HECW1: variants seen among roughly 807,000 people sequenced by gnomAD.
HECW1 encodes HECT, C2 and WW domain containing E3 ubiquitin protein ligase 1, also known as E3 ubiquitin-protein ligase HECW1.
A neutral mutation model predicts 182.3 loss-of-function variants in HECW1; 61 were observed. The ratio of observed to expected loss-of-function variants is 0.33; its 90% CI spans 0.27 to 0.41. The LOEUF (loss-of-function observed/expected upper bound fraction) is 0.41, where lower values mean the gene tolerates loss of function less well. Ranked by LOEUF, HECW1 falls within the 10% of genes least tolerant of loss-of-function variation. HECW1 has a pLI of 1.00. For missense variants in HECW1, 1,739 were observed against 2,108.9 expected (o/e 0.82, Z 3.44); for synonymous variants, 859 against 832.6 (o/e 1.03, Z -0.55).
chr7:43,337,104 T>C (rs1812392820), intron 5 of HECW1, among the ~76,000 whole-genome samples: 1 of 152,214 alleles, frequency 6.6e-6, no homozygotes. Flanking sequence ...TTTTAGTTAT[T>C]TGGAATATCT....
At chr7:43,504,152 G>C (rs1293377661) in intron 21 of HECW1, among the ~76,000 whole-genome samples, 1 of 152,118 alleles carries the variant, frequency 6.6e-6, no homozygotes, top group Non-Finnish European at 1.5e-5. Flanking sequence ...TCCCAAGCAG[G>C]TCCTTCCGTC....
chr7:43,256,657 CT>C (rs907955908), intron 3 of HECW1, among the ~76,000 whole-genome samples: 3 of 150,646 alleles, frequency 2.0e-5, no homozygotes, highest in African/African-American at 7.3e-5. Flanking sequence ...AAAGTAATTT[CT>C]GATTAATAAT....
chr7:43,422,014 G>A (rs1466472563), intron 8 of HECW1, among the ~76,000 whole-genome samples: 1 of 152,154 alleles, frequency 6.6e-6, no homozygotes, highest in Non-Finnish European at 1.5e-5. Flanking sequence ...CCTACAGTAT[G>A]TTTAAACTAG....
intron 24 of HECW1, among the ~76,000 whole-genome samples, chr7:43,514,809 A>G (rs1462079263): frequency 6.6e-6 from 1 of 152,200 alleles, no homozygotes; most frequent in Non-Finnish European, 1.5e-5. Flanking sequence ...CCCAGATATA[A>G]TGTTATTATT....
chr7:43,294,277 G>A (rs964672414), intron 3 of HECW1, among the ~76,000 whole-genome samples: 1 of 152,222 alleles, frequency 6.6e-6, no homozygotes. Flanking sequence ...CTGGCTTTAA[G>A]AGCAACGTGT....
At chr7:43,122,060 A>T (rs148461961) in intron 2 of HECW1, 2 of 152,308 alleles carry the variant, frequency 1.3e-5, no homozygotes, top group African/African-American at 4.8e-5. Context: ...ACAAGGACAG[A>T]TTTTTATTTG....
chr7:43,133,341 T>C (rs1334897862), intron 2 of HECW1, among the ~76,000 whole-genome samples: 1 of 152,046 alleles, frequency 6.6e-6, no homozygotes, highest in Non-Finnish European at 1.5e-5. Context: ...ACTTTTTAAA[T>C]TCTCCTGGGA....
chr7:43,518,205 A>G (rs1329508884), intron 24 of HECW1, among the ~76,000 whole-genome samples: 1 of 152,148 alleles, frequency 6.6e-6, no homozygotes, highest in African/African-American at 2.4e-5. Flanking sequence ...TCTATAAAAG[A>G]AAAGAAAGGC....
intron 3 of HECW1, among the ~76,000 whole-genome samples, chr7:43,259,721 G>T (rs1562747795): frequency 6.6e-6 from 1 of 152,046 alleles, no homozygotes; most frequent in Non-Finnish European, 1.5e-5. Flanking sequence ...GAAACTGAAA[G>T]AAAAGATTAG....
At chr7:43,246,343 C>T (rs1799377163) in intron 3 of HECW1, among the ~76,000 whole-genome samples, 1 of 152,150 alleles carries the variant, frequency 6.6e-6, no homozygotes, top group African/African-American at 2.4e-5. Flanking sequence ...TTTAATTGAC[C>T]ACTTAATGTA....
At chr7:43,222,258 G>A (rs73690271) in intron 2 of HECW1, among the ~76,000 whole-genome samples, 2 of 151,756 alleles carry the variant, frequency 1.3e-5, no homozygotes, top group East Asian at 3.9e-4. Context: ...GAGAACCTGG[G>A]TTTTTTTTGC....
intron 29 of HECW1, among the ~76,000 whole-genome samples, chr7:43,555,806 A>C (rs574229790): frequency 6.6e-6 from 1 of 152,236 alleles, no homozygotes; most frequent in East Asian, 1.9e-4. Flanking sequence ...CTCAGTTCCA[A>C]GGGTCTTTGT....
intron 6 of HECW1, among the ~76,000 whole-genome samples, chr7:43,390,364 C>A (rs78940571): frequency 2.6e-5 from 4 of 151,774 alleles, no homozygotes; most frequent in Admixed American, 6.6e-5. Context: ...CATAGTGAGA[C>A]CCCGTTCCTA....
Position 43,396,898 on chromosome 7 carries a change from T to C in HECW1, c.631+9T>C. The C allele has an allele frequency of 6.2e-7, 1 of 1,603,752 alleles. No individual in the cohort carries two copies. Among genetic ancestry groups the C allele is most frequent in the Non-Finnish European group, 8.5e-7 (1 of 1,171,478 alleles). ...CAGCTTCTCTCTCTCAGGTATGTTT[T>C]GCTCACCTGAGACTTTGTGGAGAGA... On this transcript the variant is annotated intron_variant, in intron 7 of 29. Coordinates refer to ENST00000395891, the MANE Select transcript of HECW1 (RefSeq NM_015052.5).
At chr7:43,284,998 A>AT (rs55642652) in intron 3 of HECW1, among the ~76,000 whole-genome samples, 38,636 of 145,358 alleles carry the variant, frequency 0.27, 5,921 homozygotes, top group Non-Finnish European at 0.36. Flanking sequence ...TTCTGTATGG[A>AT]TTTTTTTTTT....
intron 3 of HECW1, among the ~76,000 whole-genome samples, chr7:43,296,745 GTTC>G (rs1447453790): frequency 8.5e-5 from 13 of 152,290 alleles, no homozygotes; most frequent in African/African-American, 2.2e-4. Context: ...TTCCAACAAC[GTTC>G]TTCTTGACAT....
At chr7:43,213,071 T>C (rs1298535183) in intron 2 of HECW1, among the ~76,000 whole-genome samples, 1 of 152,194 alleles carries the variant, frequency 6.6e-6, no homozygotes, top group Non-Finnish European at 1.5e-5. Flanking sequence ...TGCCTTTTCA[T>C]GAGTTAATCT....
chr7:43,486,558 C>T (rs905263195), intron 17 of HECW1, among the ~76,000 whole-genome samples: 1 of 152,216 alleles, frequency 6.6e-6, no homozygotes, highest in Non-Finnish European at 1.5e-5. Flanking sequence ...GCCTCGGCCT[C>T]CCAAAGTGCT....
Position 43,564,025 on chromosome 7 carries a change from G to A in HECW1, c.*2099G>A, listed in dbSNP as rs2082275870. 1.1e-5 allele frequency: 2 copies of A among 187,382 alleles called. No homozygotes were observed. The highest frequency in any genetic ancestry group is 6.2e-5 in the Admixed American group (1 of 16,190). 11.6% of individuals were successfully genotyped at this position (187,382 alleles called of 1,614,324 possible). A position where few individuals can be genotyped will look rare whatever the true frequency, so the allele number is the denominator to read the frequency against. On this transcript the variant is annotated 3_prime_UTR_variant, in exon 30 of 30. Transcript: ENST00000395891. ...AAAAGAATATTTACTGAGACAGGAT[G>A]GAATCTGTAAGTTATATGATATAGA...
Sources: gnomAD v4.1 joint callset for allele counts (sites outside exome capture counted in the v4.1 genomes callset) on GRCh38, gnomAD v4.1.1 for gene constraint, MANE v1.5 for transcripts, NCBI Gene and HGNC (gene_info 2026-07-23, HGNC 2026-07-21) for gene names.